The following LRP2 variants were observed in gnomAD, a reference collection of about 807,000 sequenced individuals.
LRP2 encodes the protein LDL receptor related protein 2, also known as low-density lipoprotein receptor-related protein 2.
A neutral mutation model predicts 531.0 loss-of-function variants in LRP2; 172 were observed. The observed-to-expected ratio is 0.32, with a 90% CI of 0.29 to 0.37. The LOEUF is 0.37. LRP2 is among the 10% of genes least tolerant of loss of function. The pLI is 1.00. For missense variants in LRP2, 5,167 were observed against 5,868.3 expected, an observed-to-expected ratio of 0.88 and a Z score of 3.90; for synonymous variants, 1,992 against 2,027.6, an observed-to-expected ratio of 0.98 and a Z score of 0.47.
At chr2:169,242,513 CATA>C (rs1433181938) in intron 24 of LRP2, among the ~76,000 whole-genome samples, 1 of 152,032 alleles carries the variant, frequency 6.6e-6, no homozygotes, top group Non-Finnish European at 1.5e-5. Flanking sequence ...ATATTCAACA[CATA>C]ATAGCACAAA....
chr2:169,166,406 T>C (rs1433220698), intron 61 of LRP2, among the ~76,000 whole-genome samples: 1 of 152,146 alleles, frequency 6.6e-6, no homozygotes, highest in Non-Finnish European at 1.5e-5. Flanking sequence ...TTCCCATAGA[T>C]TCTGAGTCAG....
intron 1 of LRP2, among the ~76,000 whole-genome samples, chr2:169,325,801 GT>G (rs961932097): frequency 1.3e-3 from 188 of 148,288 alleles, no homozygotes; most frequent in African/African-American, 3.6e-3. Context: ...ATTCTTTTGG[GT>G]TTTTTTTTTA....
intron 29 of LRP2, among the ~76,000 whole-genome samples, chr2:169,234,001 G>A (rs1047247122): frequency 2.0e-5 from 3 of 152,052 alleles, no homozygotes; most frequent in Non-Finnish European, 2.9e-5. Context: ...CACTTGTGCC[G>A]GCTATTTCCA....
intron 1 of LRP2, among the ~76,000 whole-genome samples, chr2:169,354,553 C>T (rs755924663): frequency 2.6e-4 from 40 of 152,194 alleles, no homozygotes; most frequent in African/African-American, 8.9e-4. Flanking sequence ...TCTAATCTGT[C>T]ATTATCTAGG....
intron 76 of LRP2, among the ~76,000 whole-genome samples, chr2:169,135,000 C>T (rs1280356284): frequency 5.9e-5 from 9 of 152,150 alleles, no homozygotes; most frequent in African/African-American, 2.2e-4. Flanking sequence ...CCTAGTCCCC[C>T]GCTGAAACTT....
At chr2:169,321,769 C>T (rs549735637) in intron 1 of LRP2, among the ~76,000 whole-genome samples, 1 of 152,096 alleles carries the variant, frequency 6.6e-6, no homozygotes, top group African/African-American at 2.4e-5. Flanking sequence ...TCTCTGCAGC[C>T]AACAAGAGTA....
intron 29 of LRP2, among the ~76,000 whole-genome samples, chr2:169,234,988 C>T (rs182825839): frequency 6.6e-6 from 1 of 151,526 alleles, no homozygotes; most frequent in African/African-American, 2.4e-5. Flanking sequence ...CAGCTCACTA[C>T]AGCCTTGACC....
chr2:169,239,322 C>T (rs1293651064), intron 26 of LRP2, among the ~76,000 whole-genome samples: 1 of 152,132 alleles, frequency 6.6e-6, no homozygotes, highest in Non-Finnish European at 1.5e-5. Flanking sequence ...GTTTTAACCT[C>T]TATTTTCCAA....
intron 34 of LRP2, 137 bp downstream of exon 34, chr2:169,220,317 C>T: frequency 1.4e-6 from 1 of 715,196 alleles, no homozygotes; most frequent in Non-Finnish European, 2.5e-6. Context: ...CTCTTTCTCA[C>T]TGAGATCTAT....
chr2:169,332,781 C>T (rs1050343062), intron 1 of LRP2, among the ~76,000 whole-genome samples: 1 of 152,130 alleles, frequency 6.6e-6, no homozygotes, highest in Non-Finnish European at 1.5e-5. Context: ...TTTACTCTAA[C>T]GAAACCAATG....
intron 35 of LRP2, among the ~76,000 whole-genome samples, chr2:169,216,010 G>T (rs941179456): frequency 6.6e-6 from 1 of 151,886 alleles, no homozygotes; most frequent in African/African-American, 2.4e-5. Context: ...AAAAAAAAAC[G>T]TTGGTGGGGA....
Position 169,242,940 on chromosome 2 carries a change from GGTATGT to G in LRP2, c.3667+10_3667+15del. 6.4e-7 allele frequency: 1 copy of G among 1,565,358 alleles called. No homozygotes were observed. The highest frequency in any genetic ancestry group is 8.8e-7 in the Non-Finnish European group (1 of 1,136,336). ...TGACCCCTTTGTCTGAAACATTCTGGGTATGTGTTACTTACGACAGCCTGCTTCATC... is the reference window on the plus strand; with the variant it reads ...TGACCCCTTTGTCTGAAACATTCTGGGTTACTTACGACAGCCTGCTTCATC... On this transcript the variant is annotated intron_variant, in intron 24 of 78. Transcript: ENST00000649046.
At chr2:169,229,411 T>C (rs1336809745) in intron 31 of LRP2, among the ~76,000 whole-genome samples, 2 of 152,194 alleles carry the variant, frequency 1.3e-5, no homozygotes, top group Non-Finnish European at 2.9e-5. Context: ...CTGCACAAGC[T>C]GATCAGCACT....
At chr2:169,211,057 T>C (rs1239240047) in intron 37 of LRP2, among the ~76,000 whole-genome samples, 3 of 152,206 alleles carry the variant, frequency 2.0e-5, no homozygotes, top group African/African-American at 4.8e-5. Context: ...TTGTCATATC[T>C]GTACAAGATG....
At chr2:169,202,468 C>T (rs2105326980) in intron 43 of LRP2, among the ~76,000 whole-genome samples, 1 of 152,266 alleles carries the variant, frequency 6.6e-6, no homozygotes, top group Admixed American at 6.5e-5. Flanking sequence ...CTAGTAGTAG[C>T]TCCATTTTAC....
chr2:169,182,721 TCA>T, intron 50 of LRP2: 4 of 634,366 alleles, frequency 6.3e-6, no homozygotes, highest in Non-Finnish European at 7.9e-6. Flanking sequence ...TCTAAGTGTG[TCA>T]TTGAAACTGC....
In LRP2 at chr2:169,127,615, A is replaced by G. The variant is rs183459248; in HGVS notation, c.*1048T>C. The G allele has an allele frequency of 6.6e-6, 1 of 152,592 alleles. No individual in the cohort carries two copies. The highest frequency in any genetic ancestry group is 1.9e-4 in the East Asian group (1 of 5,186). The allele number at this position is 152,592 out of a possible 1,614,324, so 9.5% of individuals were successfully genotyped here. On this transcript the variant is annotated 3_prime_UTR_variant, in exon 79 of 79. Coordinates refer to ENST00000649046, the MANE Select transcript of LRP2 (RefSeq NM_004525.3). ...AGTACATTCTAATATAAATGTACACATTTAGCCACAGGGCCTAATAAAAAG... is the reference window on the plus strand; with the variant it reads ...AGTACATTCTAATATAAATGTACACGTTTAGCCACAGGGCCTAATAAAAAG...
At chr2:169,345,863 CAAAA>C (rs1372502390) in intron 1 of LRP2, among the ~76,000 whole-genome samples, 4 of 151,338 alleles carry the variant, frequency 2.6e-5, no homozygotes, top group African/African-American at 7.3e-5. Flanking sequence ...TCTCCAAAAA[CAAAA>C]CAAAACAAAA....
intron 1 of LRP2, among the ~76,000 whole-genome samples, chr2:169,350,067 T>G (rs1685806156): frequency 6.6e-6 from 1 of 152,152 alleles, no homozygotes; most frequent in Admixed American, 6.5e-5. Context: ...GTGAAGATGG[T>G]GAAAAGTAGT....
Sources: allele counts gnomAD v4.1 joint callset (sites outside exome capture counted in the v4.1 genomes callset), GRCh38; gene constraint gnomAD v4.1.1; transcripts MANE v1.5; gene names NCBI Gene and HGNC (gene_info 2026-07-23, HGNC 2026-07-21).